The following DLC1 variants were observed in gnomAD, a reference collection of about 807,000 sequenced individuals.
The protein encoded by DLC1 is rho GTPase-activating protein 7.
In DLC1, 54 loss-of-function variants were observed where a neutral mutation model predicts 140.3. The ratio of observed to expected loss-of-function variants is 0.38; its 90% confidence interval spans 0.31 to 0.48. The LOEUF (loss-of-function observed/expected upper bound fraction) is 0.48. Among genes scored for constraint, DLC1 ranks in the 20% least tolerant of loss-of-function variants. DLC1 has a pLI of 0.96. For missense variants in DLC1, 2,536 were observed against 1,907.0 expected, an observed-to-expected ratio of 1.33 and a Z score of -6.14; for synonymous variants, 986 against 728.1, an observed-to-expected ratio of 1.35 and a Z score of -5.70.
chr8:13,466,101 C>G (rs1210926478), intron 2 of DLC1, among the ~76,000 whole-genome samples: 2 of 152,174 alleles, frequency 1.3e-5, no homozygotes, highest in African/African-American at 4.8e-5. Context: ...ACGACAAGCA[C>G]ACAGCCACAA....
intron 2 of DLC1, among the ~76,000 whole-genome samples, chr8:13,405,552 G>A (rs28539528): frequency 1.6e-4 from 24 of 152,024 alleles, no homozygotes; most frequent in Non-Finnish European, 3.2e-4. Flanking sequence ...TGGTAAAGTC[G>A]AGACTAGAGC....
chr8:13,368,924 A>G (rs1835611008), intron 4 of DLC1, among the ~76,000 whole-genome samples: 1 of 152,042 alleles, frequency 6.6e-6, no homozygotes, highest in Admixed American at 6.6e-5. Flanking sequence ...CCTGGTTTCA[A>G]GCAATTCCCC....
intron 1 of DLC1, among the ~76,000 whole-genome samples, chr8:13,571,252 A>G (rs1314803085): frequency 2.0e-5 from 3 of 152,002 alleles, no homozygotes; most frequent in Non-Finnish European, 4.4e-5. Flanking sequence ...TTGAACTGTT[A>G]TTAATAGTAC....
chr8:13,259,334 C>T (rs1045568787), intron 5 of DLC1, among the ~76,000 whole-genome samples: 16 of 152,084 alleles, frequency 1.1e-4, no homozygotes, highest in African/African-American at 2.4e-4. Context: ...TCATAATGAA[C>T]CACAGTGATT....
rs763450150 is a variant in DLC1 at position 13,099,741 on chromosome 8, G to T, written c.2596C>A (p.Arg866Ser). The change falls in exon 9 of 18, where the codon CGC (arginine) becomes AGC (serine). Residue 866 changes from arginine to serine, a missense_variant. By Grantham distance (110) the Arg-to-Ser change is moderately radical. Coordinates refer to ENST00000276297, the MANE Select transcript of DLC1 (RefSeq NM_182643.3). ...CTGCTCATGGAGCTGGAAGAATTGC[G>T]TCTCTTCAGTTCCTTGGGGCTGTCG... ...SSDSPKELKR[R>S]NSSSSMSSRL... 4.1e-5 allele frequency: 66 copies of T among 1,614,020 alleles called. 1 individual carries two copies. The highest frequency in any genetic ancestry group is 6.8e-6 in the Non-Finnish European group (8 of 1,180,042).
At chr8:13,136,926 T>A (rs531587284) in intron 5 of DLC1, among the ~76,000 whole-genome samples, 5 of 152,246 alleles carry the variant, frequency 3.3e-5, no homozygotes, top group Admixed American at 6.5e-5. Flanking sequence ...AAGGTTGTTA[T>A]AGTGCATACC....
intron 2 of DLC1, among the ~76,000 whole-genome samples, chr8:13,428,676 C>T (rs1352242990): frequency 6.6e-6 from 1 of 151,986 alleles, no homozygotes; most frequent in African/African-American, 2.4e-5. Context: ...TACACTCTTT[C>T]CATCTGTTGA....
intron 1 of DLC1, among the ~76,000 whole-genome samples, chr8:13,576,606 C>T (rs1359375182): frequency 6.6e-6 from 1 of 152,100 alleles, no homozygotes; most frequent in African/African-American, 2.4e-5. Flanking sequence ...TTCAGCTTAC[C>T]CAATAATTTT....
intron 4 of DLC1, among the ~76,000 whole-genome samples, chr8:13,364,369 G>T (rs1835384273): frequency 6.6e-6 from 1 of 150,476 alleles, no homozygotes; most frequent in African/African-American, 2.5e-5. Flanking sequence ...CATGATCTTA[G>T]CTCACTACAA....
At chr8:13,270,291 G>T (rs1185178272) in intron 5 of DLC1, among the ~76,000 whole-genome samples, 1 of 152,154 alleles carries the variant, frequency 6.6e-6, no homozygotes, top group Non-Finnish European at 1.5e-5. Flanking sequence ...TTGGTAAAAT[G>T]TGCAGACTGT....
chr8:13,586,614 C>G (rs895738266), intron 1 of DLC1, among the ~76,000 whole-genome samples: 2 of 151,358 alleles, frequency 1.3e-5, no homozygotes, highest in Non-Finnish European at 3.0e-5. Context: ...CACACACACA[C>G]ACACACACAC....
chr8:13,249,698 A>G (rs918686058), intron 5 of DLC1, among the ~76,000 whole-genome samples: 5 of 152,184 alleles, frequency 3.3e-5, no homozygotes, highest in South Asian at 2.1e-4. Context: ...AATACATGCT[A>G]AAGTCTCTTC....
intron 5 of DLC1, among the ~76,000 whole-genome samples, chr8:13,150,696 A>G (rs7012880): frequency 0.03 from 4,552 of 152,306 alleles, 224 homozygotes; most frequent in African/African-American, 0.1. Context: ...CCTGAACTCT[A>G]AAGGACCCGT....
At position 13,381,113 on chromosome 8, in the gene DLC1, G is replaced by T. The variant is rs374231566; in HGVS notation, c.1314+12440C>A. Among the ~76,000 whole-genome samples the T allele has an allele frequency of 3.0e-4, 45 of 152,244 alleles. 1 individual carries two copies. In the East Asian group the frequency reaches 7.5e-3, roughly 26 times the overall value. On this transcript the variant is annotated intron_variant, in intron 4 of 17. Coordinates refer to ENST00000276297, the MANE Select transcript of DLC1 (RefSeq NM_182643.3). ...CCTGGCTTGTTGGGGTGTCTAGCTG[G>T]TAACAAGCCAGAGGAGGTGTGGCTG...
rs1021027260 is a variant in DLC1, at chr8:13,228,572, C to CA, written c.1348+76696dup. ...GCAACAAAGCAAGACCCTGTCTCTA[C>CA]AAAAAAAATAAAAATAAAAATAAAA... On this transcript the variant is annotated intron_variant, in intron 5 of 17. Coordinates refer to ENST00000276297, the MANE Select transcript of DLC1 (RefSeq NM_182643.3). 4.0e-4 allele frequency among the ~76,000 whole-genome samples: 60 copies of CA among 150,968 alleles called. No individual in the cohort carries two copies. The South Asian group carries it at 4.6e-3, about 12-fold the overall frequency.
chr8:13,331,377 G>A (rs1032033923), intron 4 of DLC1, among the ~76,000 whole-genome samples: 2 of 152,252 alleles, frequency 1.3e-5, no homozygotes, highest in South Asian at 4.1e-4. Context: ...TAGAGAACAA[G>A]TTCTAAGCTG....
At chr8:13,145,925 G>A (rs990995056) in intron 5 of DLC1, among the ~76,000 whole-genome samples, 13 of 152,064 alleles carry the variant, frequency 8.5e-5, no homozygotes, top group Non-Finnish European at 1.0e-4. Context: ...TCTTCATTGC[G>A]TGGTGGGTTA....
intron 1 of DLC1, among the ~76,000 whole-genome samples, chr8:13,521,441 C>G (rs73210021): frequency 0.059 from 8,959 of 152,092 alleles, 813 homozygotes; most frequent in East Asian, 0.39. Flanking sequence ...CCATGGTTGG[C>G]TTAGAGCCCA....
chr8:13,452,144 G>C (rs1799092831), intron 2 of DLC1, among the ~76,000 whole-genome samples: 1 of 151,200 alleles, frequency 6.6e-6, no homozygotes, highest in South Asian at 2.1e-4. Flanking sequence ...CATTTGAAGA[G>C]TTATCTAATG....
Sources: gnomAD v4.1 joint callset for allele counts (sites outside exome capture counted in the v4.1 genomes callset) on GRCh38, gnomAD v4.1.1 for gene constraint, MANE v1.5 for transcripts, NCBI Gene and HGNC (gene_info 2026-07-23, HGNC 2026-07-21) for gene names.